The following FRMD3 variants were observed in gnomAD, a reference collection of about 807,000 sequenced individuals.
The protein encoded by FRMD3 is FERM domain containing 3.
A neutral mutation model predicts 70.2 loss-of-function variants in FRMD3; 33 were observed. The observed-to-expected ratio is 0.47, with a 90% CI of 0.36 to 0.63. FRMD3 has a LOEUF of 0.63. Among genes scored for constraint, FRMD3 ranks in the 20% least tolerant of loss-of-function variants. The probability of loss-of-function intolerance (pLI) is 0.00; values close to 1 mark genes in which losing one functional copy is unlikely to be tolerated. For synonymous variants in FRMD3, 279 were observed against 255.9 expected, an observed-to-expected ratio of 1.09 and a Z score of -0.86; for missense variants, 632 against 711.4, an observed-to-expected ratio of 0.89 and a Z score of 1.27.
chr9:83,335,751 C>T (rs961542927), intron 5 of FRMD3, 112 bp from the exon 6 acceptor site: 1 of 843,706 alleles, frequency 1.2e-6, no homozygotes, highest in Non-Finnish European at 1.8e-6. Context: ...AATAAACTCA[C>T]CCAAAAATAT....
chr9:83,362,465 T>A (rs1824622769), intron 3 of FRMD3, among the ~76,000 whole-genome samples: 1 of 152,136 alleles, frequency 6.6e-6, no homozygotes, highest in Non-Finnish European at 1.5e-5. Context: ...GTTGTATGCA[T>A]GTGTTATGCA....
chr9:83,496,009 C>G (rs1828934307), intron 1 of FRMD3, among the ~76,000 whole-genome samples: 1 of 152,204 alleles, frequency 6.6e-6, no homozygotes, highest in South Asian at 2.1e-4. Flanking sequence ...ACATGGCACA[C>G]ACAGTTCAGT....
At chr9:83,309,665 A>C in intron 9 of FRMD3, 41 bp from the exon 10 acceptor site, 1 of 1,281,672 alleles carries the variant, frequency 7.8e-7, no homozygotes, top group Non-Finnish European at 1.1e-6. Flanking sequence ...CACGTAAAAT[A>C]CCATTTACAT....
At chr9:83,258,432 G>A (rs562299443) in intron 13 of FRMD3, among the ~76,000 whole-genome samples, 1 of 152,348 alleles carries the variant, frequency 6.6e-6, no homozygotes, top group Admixed American at 6.5e-5. Flanking sequence ...AACAGCTAAA[G>A]AGCCTGGCTA....
At chr9:83,337,464 T>C (rs1025476237) in intron 5 of FRMD3, among the ~76,000 whole-genome samples, 2 of 152,114 alleles carry the variant, frequency 1.3e-5, no homozygotes, top group East Asian at 3.9e-4. Flanking sequence ...AACCACAGCA[T>C]GGAGGGGCAA....
At position 83,509,781 on chromosome 9, in the gene FRMD3, G is replaced by A. The variant is rs528613217; in HGVS notation, c.147+28304C>T. ...TACAGTTTAATTAAAATACGCACAC[G>A]CGCGCGCACACACACACACACACAC... On this transcript the variant is annotated intron_variant, in intron 1 of 13. Coordinates refer to ENST00000304195, the MANE Select transcript of FRMD3 (RefSeq NM_174938.6). 9.9e-4 allele frequency among the ~76,000 whole-genome samples: 148 copies of A among 149,842 alleles called. 1 individual carries two copies. Among genetic ancestry groups the A allele is most frequent in the African/African-American group, 2.8e-3 (112 of 40,530 alleles).
chr9:83,499,680 C>T (rs1057356262), intron 1 of FRMD3, among the ~76,000 whole-genome samples: 1 of 152,182 alleles, frequency 6.6e-6, no homozygotes, highest in African/African-American at 2.4e-5. Context: ...AAGCTTCATT[C>T]ACTGTTGGTG....
Position 83,379,378 on chromosome 9 carries a change from T to C in FRMD3, c.253-6423A>G, listed in dbSNP as rs930992756. Among the ~76,000 whole-genome samples the C allele has an allele frequency of 3.9e-5, 6 of 152,236 alleles. No individual in the cohort carries two copies. In the South Asian group the frequency reaches 1.0e-3, roughly 26 times the overall value. ...CCTTTTGATTGCTACTTGGAATATA[T>C]GCTGTTCTGATATTTTTAAGTCTTT... On this transcript the variant is annotated intron_variant, in intron 2 of 13. Coordinates refer to ENST00000304195, the MANE Select transcript of FRMD3 (RefSeq NM_174938.6).
chr9:83,560,808 G>A, the FRMD3 span, among the ~76,000 whole-genome samples: 1 of 152,142 alleles, frequency 6.6e-6, no homozygotes, highest in Non-Finnish European at 1.5e-5. Context: ...CCATTGGCTA[G>A]GACCAAGATA....
chr9:83,273,310 GCTGTTAAT>G (rs1563987594), intron 13 of FRMD3, among the ~76,000 whole-genome samples: 1 of 150,730 alleles, frequency 6.6e-6, no homozygotes, highest in African/African-American at 2.5e-5. Context: ...GCCTTGGGAT[GCTGTTAAT>G]CTATAACCTT....
chr9:83,425,492 G>T (rs72745059), intron 1 of FRMD3, among the ~76,000 whole-genome samples: 2 of 151,976 alleles, frequency 1.3e-5, no homozygotes. Flanking sequence ...GAACTGGCCC[G>T]GGGAAACCTG....
intron 1 of FRMD3, among the ~76,000 whole-genome samples, chr9:83,500,921 G>C (rs1036074126): frequency 6.6e-6 from 1 of 152,144 alleles, no homozygotes; most frequent in Non-Finnish European, 1.5e-5. Context: ...AGGTAACAAA[G>C]AAAGAATTAA....
chr9:83,292,779 C>T (rs188316490), intron 12 of FRMD3, among the ~76,000 whole-genome samples: 1,532 of 152,314 alleles, frequency 0.01, 12 homozygotes, highest in Non-Finnish European at 0.015. Context: ...TCCCGAGTAG[C>T]TGGGATTACA....
At chr9:83,350,994 C>T (rs997495339) in intron 3 of FRMD3, 6 of 969,612 alleles carry the variant, frequency 6.2e-6, no homozygotes, top group African/African-American at 3.5e-5. Context: ...ATTGGACATA[C>T]CACTCATTTG....
chr9:83,520,692 C>T (rs1156527557), intron 1 of FRMD3, among the ~76,000 whole-genome samples: 2 of 152,174 alleles, frequency 1.3e-5, no homozygotes, highest in Non-Finnish European at 2.9e-5. Context: ...TTCTACCAGA[C>T]AGCACTGGTC....
intron 13 of FRMD3, among the ~76,000 whole-genome samples, chr9:83,278,828 G>C (rs192935339): frequency 3.9e-5 from 6 of 152,292 alleles, no homozygotes; most frequent in Admixed American, 2.6e-4. Flanking sequence ...GAAAGGGAAG[G>C]TGGGCATGAG....
chr9:83,332,804 C>T (rs763738353), intron 6 of FRMD3, among the ~76,000 whole-genome samples: 2 of 152,270 alleles, frequency 1.3e-5, no homozygotes, highest in African/African-American at 4.8e-5. Flanking sequence ...AACAGCAGTT[C>T]GATGGCCACA....
intron 6 of FRMD3, among the ~76,000 whole-genome samples, chr9:83,322,003 A>G (rs1402925454): frequency 6.6e-6 from 1 of 151,858 alleles, no homozygotes; most frequent in African/African-American, 2.4e-5. Flanking sequence ...TCCCTCCTCA[A>G]CTGGACATGG....
At chr9:83,468,844 G>A (rs1265426239) in intron 1 of FRMD3, among the ~76,000 whole-genome samples, 1 of 152,228 alleles carries the variant, frequency 6.6e-6, no homozygotes, top group Non-Finnish European at 1.5e-5. Context: ...GGAGGAGGGT[G>A]GAGAAGAGCA....
Sources: allele counts gnomAD v4.1 joint callset (sites outside exome capture counted in the v4.1 genomes callset), GRCh38; gene constraint gnomAD v4.1.1; transcripts MANE v1.5; gene names NCBI Gene and HGNC (gene_info 2026-07-23, HGNC 2026-07-21).